Variants in RAB3IL1 observed in about 807,000 individuals in gnomAD.
RAB3IL1 encodes the protein RAB3A interacting protein like 1, also known as guanine nucleotide exchange factor for Rab-3A.
RAB3IL1 carries 37 observed loss-of-function variants against 49.2 expected under a neutral mutation model. The ratio of observed to expected loss-of-function variants is 0.75; its 90% CI spans 0.58 to 0.99. The LOEUF is 0.99. RAB3IL1 is among the 50% of genes least tolerant of loss of function. The pLI, the probability that RAB3IL1 is intolerant of heterozygous loss-of-function variation, is 0.00. For synonymous variants in RAB3IL1, 193 were observed against 213.9 expected (o/e 0.90, Z 0.85); for missense variants, 484 against 513.0 (o/e 0.94, Z 0.55).
intron 8 of RAB3IL1, among the ~76,000 whole-genome samples, chr11:61,901,333 C>T (rs1025088740): frequency 6.6e-6 from 1 of 152,168 alleles, no homozygotes; most frequent in African/African-American, 2.4e-5. Flanking sequence ...GAACCCCTGT[C>T]CTGGTCTGGG....
chr11:61,934,319 T>TATATACACACACAC, the RAB3IL1 span, among the ~76,000 whole-genome samples: 1 of 126,526 alleles, frequency 7.9e-6, no homozygotes, highest in African/African-American at 2.9e-5. Flanking sequence ...TGAGTAAATA[T>TATATACACACACAC]ACACACACAC....
chr11:61,913,113 G>A (rs1939530719), intron 1 of RAB3IL1, among the ~76,000 whole-genome samples: 1 of 152,088 alleles, frequency 6.6e-6, no homozygotes, highest in Non-Finnish European at 1.5e-5. Flanking sequence ...ATGGGGTGAC[G>A]CTGTCGAGTG....
At position 61,908,061 on chromosome 11, in the gene RAB3IL1, G is replaced by A. The variant is rs765703080; in HGVS notation, c.257C>T (p.Ala86Val). 9.3e-6 allele frequency: 15 copies of A among 1,608,556 alleles called. No homozygotes were observed. The highest frequency in any genetic ancestry group is 1.7e-4 in the Middle Eastern group (1 of 6,048). The change falls in exon 2 of 10, where the codon GCG becomes GTG. Residue 86 changes from alanine to valine, a missense_variant. Coordinates refer to ENST00000394836, the MANE Select transcript of RAB3IL1 (RefSeq NM_013401.4). Reference sequence around the variant, plus strand: ...CCTACTGCAGGCACCCACCTTCTGCGCTCTGTGCAGCTCCTCCTTCAGGAA... The same window carrying A: ...CCTACTGCAGGCACCCACCTTCTGCACTCTGTGCAGCTCCTCCTTCAGGAA... ...SEFLKEELHR[A>V]QKELKLKDEE...
chr11:61,925,080 C>T (rs1939974224), upstream of RAB3IL1, among the ~76,000 whole-genome samples: 1 of 152,200 alleles, frequency 6.6e-6, no homozygotes. Context: ...ATCTCAGATT[C>T]TGTTCATCCT....
At chr11:61,914,194 A>G (rs1383874721) in intron 1 of RAB3IL1, among the ~76,000 whole-genome samples, 1 of 152,222 alleles carries the variant, frequency 6.6e-6, no homozygotes, top group Non-Finnish European at 1.5e-5. Flanking sequence ...GGCCCAGGGC[A>G]GTGAAGTGAC....
intron 8 of RAB3IL1, among the ~76,000 whole-genome samples, chr11:61,901,625 G>A (rs1269392359): frequency 6.6e-6 from 1 of 152,246 alleles, no homozygotes; most frequent in Admixed American, 6.5e-5. Flanking sequence ...TGGCTCTGAA[G>A]TCAGCTGCCC....
intron 8 of RAB3IL1, among the ~76,000 whole-genome samples, 194 bp downstream of exon 8, chr11:61,902,242 TGGGAGG>T (rs1235465210): frequency 7.9e-5 from 12 of 152,336 alleles, no homozygotes; most frequent in African/African-American, 2.9e-4. Flanking sequence ...AATGTCTGCC[TGGGAGG>T]CAGACATTGC....
chr11:61,905,501 G>A (rs757426327), intron 5 of RAB3IL1, among the ~76,000 whole-genome samples: 89 of 152,202 alleles, frequency 5.8e-4, no homozygotes, highest in Non-Finnish European at 1.1e-3. Flanking sequence ...TGGGGACCAC[G>A]CAGAGGAGCA....
the RAB3IL1 span, among the ~76,000 whole-genome samples, chr11:61,941,890 T>C: frequency 6.6e-6 from 1 of 152,166 alleles, no homozygotes; most frequent in Non-Finnish European, 1.5e-5. Context: ...ATCATGGGAA[T>C]GCAAGCAAGG....
the RAB3IL1 span, chr11:61,945,779 G>A: frequency 1.2e-5 from 12 of 985,264 alleles, no homozygotes; most frequent in African/African-American, 7.0e-5. Context: ...TCACCTGGCC[G>A]ACTGCAGCCT....
chr11:61,914,040 C>T (rs1411306222), intron 1 of RAB3IL1, among the ~76,000 whole-genome samples: 3 of 152,186 alleles, frequency 2.0e-5, no homozygotes, highest in Non-Finnish European at 4.4e-5. Context: ...GAGGGTTATA[C>T]AACCCCTTCC....
chr11:61,941,511 G>A, the RAB3IL1 span, among the ~76,000 whole-genome samples: 1 of 152,308 alleles, frequency 6.6e-6, no homozygotes, highest in Non-Finnish European at 1.5e-5. Context: ...CCAGCAATTT[G>A]GGAGGCTGAG....
chr11:61,908,214 G>A lies in RAB3IL1; in HGVS notation c.104C>T (p.Ser35Phe). ...STDPCQGHRE[S>F]PGALVETSAG... ...AGAGGTCTCCACCAGGGCTCCTGGG[G>A]ACTCCCTGTGGCCTTGGCAGGGGTC... The change falls in exon 2 of 10, where the codon TCC becomes TTC. Residue 35 changes from serine (S) to phenylalanine (F), a missense_variant. By Grantham distance (155) the Ser-to-Phe change is radical (BLOSUM62 -2). Coordinates refer to ENST00000394836, the MANE Select transcript of RAB3IL1 (RefSeq NM_013401.4). 1.3e-6 allele frequency: 2 copies of A among 1,543,044 alleles called. No individual in the cohort carries two copies. The highest frequency in any genetic ancestry group is 4.8e-5 in the East Asian group (2 of 41,566).
In RAB3IL1 at chr11:61,917,451, G is replaced by A; in HGVS notation, c.-84C>T. On this transcript the variant is annotated 5_prime_UTR_variant, in exon 1 of 10. Transcript: ENST00000394836. ...CGCGTCCCCGCCCGCCGCCGACTCC[G>A]CCAGGGGCCGAGCCGCCCCACCGCC... 1 of 1,173,156 alleles carries A rather than the reference G, an allele frequency of 8.5e-7. No individual in the cohort carries two copies. 72.7% of individuals were successfully genotyped at this position (1,173,156 alleles called of 1,614,324 possible).
intron 1 of RAB3IL1, 130 bp downstream of exon 1, chr11:61,917,227 A>G: frequency 8.0e-7 from 1 of 1,257,534 alleles, no homozygotes; most frequent in Non-Finnish European, 1.0e-6. Flanking sequence ...GCTCGCCTGC[A>G]GGCAGGGCGG....
intron 9 of RAB3IL1, chr11:61,899,006 C>G: frequency 1.9e-6 from 1 of 533,612 alleles, no homozygotes; most frequent in Non-Finnish European, 3.6e-6. Flanking sequence ...AGGTGGGTGA[C>G]CCTGTGTTCA....
the RAB3IL1 span, among the ~76,000 whole-genome samples, chr11:61,938,160 G>A: frequency 0.056 from 8,586 of 152,258 alleles, 250 homozygotes; most frequent in East Asian, 0.092. Flanking sequence ...CCCTTTGGTA[G>A]GCTGAAGTGG....
chr11:61,922,254 C>T (rs1285751097), upstream of RAB3IL1, among the ~76,000 whole-genome samples: 1 of 151,874 alleles, frequency 6.6e-6, no homozygotes, highest in Non-Finnish European at 1.5e-5. Flanking sequence ...GGGGCGTTGG[C>T]TCACGCCTGT....
At chr11:61,902,072 T>C (rs1029970030) in intron 8 of RAB3IL1, among the ~76,000 whole-genome samples, 1 of 152,212 alleles carries the variant, frequency 6.6e-6, no homozygotes, top group South Asian at 2.1e-4. Context: ...CCCAGCACTT[T>C]GGGAGGCCGA....
Sources: allele counts gnomAD v4.1 joint callset (sites outside exome capture counted in the v4.1 genomes callset), GRCh38; gene constraint gnomAD v4.1.1; transcripts MANE v1.5; gene names NCBI Gene and HGNC (gene_info 2026-07-23, HGNC 2026-07-21).